Variants in CLTC observed in about 807,000 individuals in gnomAD.
The protein encoded by CLTC is clathrin heavy chain, also known as clathrin heavy chain 1.
In CLTC, 16 loss-of-function variants were observed where a neutral mutation model predicts 195.8. The observed-to-expected ratio is 0.08, with a 90% CI of 0.06 to 0.12. The LOEUF (loss-of-function observed/expected upper bound fraction) is 0.12. CLTC is among the 10% of genes least tolerant of loss of function. The probability of loss-of-function intolerance (pLI) is 1.00; values close to 1 mark genes in which losing one functional copy is unlikely to be tolerated. For missense variants in CLTC, 796 were observed against 2,027.0 expected, an observed-to-expected ratio of 0.39 and a Z score of 11.66; for synonymous variants, 667 against 689.4, an observed-to-expected ratio of 0.97 and a Z score of 0.51.
At chr17:59,689,766 A>G (rs756625365) in intron 30 of CLTC, 2 of 152,192 alleles carry the variant, frequency 1.3e-5, no homozygotes, top group Non-Finnish European at 2.9e-5. Context: ...GAATCAAATC[A>G]TGTTAGCCCT....
rs1224762915 is a variant in CLTC, at chr17:59,693,915, C to T, written c.*63C>T. The T allele has an allele frequency of 1.3e-6, 2 of 1,483,606 alleles. No homozygotes were observed. Among genetic ancestry groups the T allele is most frequent in the Middle Eastern group, 1.8e-4 (1 of 5,568 alleles). The allele number at this position is 1,483,606 out of a possible 1,614,324, so 91.9% of individuals were successfully genotyped here. ...TGAAACATCGTCTTTACCCACTTCT[C>T]AGTTTATAATGGGGGAAAACAGGCA... On this transcript the variant is annotated 3_prime_UTR_variant, in exon 32 of 32. Coordinates refer to ENST00000269122, the MANE Select transcript of CLTC (RefSeq NM_004859.4).
intron 1 of CLTC, among the ~76,000 whole-genome samples, chr17:59,631,186 G>T (rs1031552831): frequency 2.6e-5 from 4 of 152,142 alleles, no homozygotes; most frequent in Admixed American, 2.6e-4. Flanking sequence ...CTTATATTGT[G>T]TATCCTGTTT....
intron 5 of CLTC, among the ~76,000 whole-genome samples, chr17:59,654,602 C>T (rs1246338621): frequency 1.3e-5 from 2 of 152,226 alleles, no homozygotes; most frequent in Non-Finnish European, 2.9e-5. Flanking sequence ...GCCTCAGCCT[C>T]CCCAGTAGCT....
chr17:59,629,582 A>G (rs1451665950), intron 1 of CLTC, among the ~76,000 whole-genome samples: 1 of 137,130 alleles, frequency 7.3e-6, no homozygotes, highest in African/African-American at 2.7e-5. Context: ...GTACAGTGGC[A>G]TGATCTTGGC....
chr17:59,622,861 A>G (rs1448175869), intron 1 of CLTC, among the ~76,000 whole-genome samples: 2 of 152,192 alleles, frequency 1.3e-5, no homozygotes, highest in Non-Finnish European at 2.9e-5. Context: ...CTTTAACTAC[A>G]TTGTCCAACT....
At chr17:59,638,548 A>G (rs1208239439) in intron 1 of CLTC, among the ~76,000 whole-genome samples, 1 of 140,414 alleles carries the variant, frequency 7.1e-6, no homozygotes, top group Non-Finnish European at 1.6e-5. Flanking sequence ...AAATTTTTCC[A>G]CCGGTTGGGG....
Position 59,644,262 on chromosome 17 carries a change from A to C in CLTC, c.43-14A>C. The C allele has an allele frequency of 6.2e-7, 1 of 1,608,948 alleles. No individual in the cohort carries two copies. The highest frequency in any genetic ancestry group is 1.1e-5 in the South Asian group (1 of 90,344). On this transcript the variant is annotated splice_polypyrimidine_tract_variant and intron_variant, in intron 1 of 31. Coordinates refer to ENST00000269122, the MANE Select transcript of CLTC (RefSeq NM_004859.4). ...AATCCACTTGGTAACATGGTTTCTT[A>C]TTATTTTTTCTAGCTCCAGAACCTG...
intron 4 of CLTC, among the ~76,000 whole-genome samples, chr17:59,650,365 T>C (rs1433347126): frequency 6.6e-6 from 1 of 152,068 alleles, no homozygotes; most frequent in East Asian, 1.9e-4. Context: ...TATTTGGAAA[T>C]ACTAAATTAA....
In CLTC at chr17:59,694,399, TAC is replaced by T. The variant is rs1406421961; in HGVS notation, c.*549_*550del. 4.5e-6 allele frequency: 1 copy of T among 224,544 alleles called. No homozygotes were observed. Among genetic ancestry groups the T allele is most frequent in the Non-Finnish European group, 8.9e-6 (1 of 112,448 alleles). 13.9% of individuals were successfully genotyped at this position (224,544 alleles called of 1,614,324 possible). A position where few individuals can be genotyped will look rare whatever the true frequency, so the allele number is the denominator to read the frequency against. ...TGCTTCCCAGATTATTGAAAAATGTTACAGACAACTTGCCTGATTTTTAAATG... is the reference window on the plus strand; with the variant it reads ...TGCTTCCCAGATTATTGAAAAATGTTAGACAACTTGCCTGATTTTTAAATG... On this transcript the variant is annotated 3_prime_UTR_variant, in exon 32 of 32. Transcript: ENST00000269122.
intron 7 of CLTC, 59 bp from the exon 8 acceptor site, chr17:59,661,384 G>GT: frequency 1.5e-6 from 2 of 1,377,992 alleles, no homozygotes; most frequent in Non-Finnish European, 2.1e-6. Flanking sequence ...TTCGAAGAGC[G>GT]TTTAACATTT....
At chr17:59,651,128 G>C (rs566004324) in intron 4 of CLTC, 75 bp from the exon 5 acceptor site, 4 of 882,106 alleles carry the variant, frequency 4.5e-6, no homozygotes, top group Non-Finnish European at 7.3e-6. Flanking sequence ...TTTCCATTTG[G>C]GGGCTACAAA....
chr17:59,627,529 A>G (rs1287932393), intron 1 of CLTC, among the ~76,000 whole-genome samples: 1 of 152,138 alleles, frequency 6.6e-6, no homozygotes, highest in East Asian at 1.9e-4. Flanking sequence ...GAATTGCAAA[A>G]TGTACCACAA....
chr17:59,642,647 T>C (rs1004959875), intron 1 of CLTC, among the ~76,000 whole-genome samples: 2 of 152,210 alleles, frequency 1.3e-5, no homozygotes, highest in African/African-American at 4.8e-5. Flanking sequence ...GGCTTTACTA[T>C]AACTAAATAC....
chr17:59,664,996 G>A, intron 10 of CLTC, 87 bp downstream of exon 10: 4 of 1,529,866 alleles, frequency 2.6e-6, no homozygotes, highest in Non-Finnish European at 3.5e-6. Flanking sequence ...AGTCCAAGGT[G>A]GGAGTATTGC....
At chr17:59,635,979 GC>G (rs2031847990) in intron 1 of CLTC, among the ~76,000 whole-genome samples, 1 of 152,180 alleles carries the variant, frequency 6.6e-6, no homozygotes, top group Non-Finnish European at 1.5e-5. Context: ...GGAGGCCGAG[GC>G]AGGCAGACAC....
chr17:59,651,183 T>C lies in CLTC; in HGVS notation c.682-20T>C, dbSNP rs769537694. The C allele has an allele frequency of 1.3e-6, 2 of 1,489,770 alleles. No homozygotes were observed. Among genetic ancestry groups the C allele is most frequent in the African/African-American group, 1.4e-5 (1 of 72,184 alleles). The allele number at this position is 1,489,770 out of a possible 1,614,324, so 92.3% of individuals were successfully genotyped here. A position where few individuals can be genotyped will look rare whatever the true frequency, so the allele number is the denominator to read the frequency against. Reference sequence around the variant, plus strand: ...TGCTAATGTATAGGTTTATATACATTTTGATTTTCTTTTGAACAGTTACAT... The same window carrying C: ...TGCTAATGTATAGGTTTATATACATCTTGATTTTCTTTTGAACAGTTACAT... On this transcript the variant is annotated intron_variant, in intron 4 of 31. Transcript: ENST00000269122.
chr17:59,631,902 G>A lies in CLTC; in HGVS notation c.42+11729G>A, dbSNP rs187132604. On this transcript the variant is annotated intron_variant, in intron 1 of 31. Coordinates refer to ENST00000269122, the MANE Select transcript of CLTC (RefSeq NM_004859.4). ...GATGGATCACCTGAGCCTGGGAAGT[G>A]GAGGTTGCAGTAGGCTGAAGTCATG... Among the ~76,000 whole-genome samples the A allele has an allele frequency of 2.1e-4, 32 of 151,908 alleles. No homozygotes were observed. In the East Asian group the frequency reaches 6.0e-3, roughly 29 times the overall value.
intron 1 of CLTC, among the ~76,000 whole-genome samples, chr17:59,633,526 T>C (rs896473906): frequency 6.6e-6 from 1 of 152,046 alleles, no homozygotes; most frequent in Non-Finnish European, 1.5e-5. Context: ...AGTGACTCAA[T>C]TGTAAAATAA....
chr17:59,692,841 T>C (rs1377384963), intron 31 of CLTC, among the ~76,000 whole-genome samples: 8 of 152,078 alleles, frequency 5.3e-5, no homozygotes, highest in Non-Finnish European at 1.2e-4. Context: ...GGTTTCACCA[T>C]ATCGGCCACG....
Sources: gnomAD v4.1 joint callset for allele counts (sites outside exome capture counted in the v4.1 genomes callset) on GRCh38, gnomAD v4.1.1 for gene constraint, MANE v1.5 for transcripts, NCBI Gene and HGNC (gene_info 2026-07-23, HGNC 2026-07-21) for gene names.